RALY: variants seen among roughly 807,000 people sequenced by gnomAD.
RALY encodes the protein RNA-binding protein Raly.
RALY carries 15 observed loss-of-function variants against 30.7 expected under a neutral mutation model. That is an observed-to-expected ratio of 0.49 (90% confidence interval 0.33 to 0.75). The LOEUF (loss-of-function observed/expected upper bound fraction) is 0.75. Ranked by LOEUF, RALY falls within the 30% of genes least tolerant of loss-of-function variation. RALY has a pLI of 0.02. For synonymous variants in RALY, 177 were observed against 170.8 expected (o/e 1.04, Z -0.28); for missense variants, 339 against 414.3 (o/e 0.82, Z 1.58).
At chr20:34,021,834 C>G (rs1277595232) in intron 1 of RALY, among the ~76,000 whole-genome samples, 13 of 151,666 alleles carry the variant, frequency 8.6e-5, no homozygotes, top group Admixed American at 8.5e-4. Context: ...AGACGGAACT[C>G]TTTTTAAAAA....
intron 5 of RALY, among the ~76,000 whole-genome samples, chr20:34,075,092 T>G (rs2033836408): frequency 6.6e-6 from 1 of 152,098 alleles, no homozygotes; most frequent in African/African-American, 2.4e-5. Flanking sequence ...GGCTTGGAGA[T>G]GACTTTGGTT....
In RALY at chr20:34,072,278, C is replaced by T. The variant is rs1172904188; in HGVS notation, c.204C>T (p.Ala68=). 6.2e-7 allele frequency: 1 copy of T among 1,614,054 alleles called. No homozygotes were observed. The highest frequency in any genetic ancestry group is 1.7e-5 in the Admixed American group (1 of 60,024). The stretch of plus-strand genomic sequence containing the variant: ...TTCAGTACTCCAATGAGCGCCATGC[C>T]CGGGCAGCTGTGCTGGGAGAGAATG... ...AFVQYSNERH[A]RAAVLGENGR... Residue 68 remains alanine (A), a synonymous_variant, in exon 3 of 10, where the codon GCC becomes GCT. Transcript: ENST00000246194.
intron 1 of RALY, among the ~76,000 whole-genome samples, chr20:34,000,143 C>T (rs964938732): frequency 1.3e-5 from 2 of 152,132 alleles, no homozygotes; most frequent in Non-Finnish European, 2.9e-5. Flanking sequence ...GCTTGTCCTA[C>T]AACTTCCCCC....
intron 2 of RALY, among the ~76,000 whole-genome samples, chr20:34,066,551 G>A (rs1468497391): frequency 6.6e-6 from 1 of 152,034 alleles, no homozygotes; most frequent in Non-Finnish European, 1.5e-5. Flanking sequence ...TAGCTCTCTG[G>A]GCCTCTTATT....
intron 1 of RALY, among the ~76,000 whole-genome samples, chr20:33,996,204 G>C (rs770834801): frequency 1.3e-5 from 2 of 152,180 alleles, no homozygotes; most frequent in African/African-American, 2.4e-5. Context: ...TTAGATGACA[G>C]AATGAGTAAG....
At chr20:34,025,553 C>T (rs953549325) in intron 1 of RALY, among the ~76,000 whole-genome samples, 2 of 152,148 alleles carry the variant, frequency 1.3e-5, no homozygotes, top group African/African-American at 4.8e-5. Context: ...ATCCGCCCAC[C>T]TCAGCTTCCC....
intron 1 of RALY, among the ~76,000 whole-genome samples, chr20:34,030,806 AC>A (rs1470430881): frequency 1.3e-5 from 2 of 152,118 alleles, no homozygotes; most frequent in East Asian, 3.8e-4. Context: ...CCTTAAACAT[AC>A]CAAGGCCTCA....
chr20:34,007,508 G>A (rs1348659244), intron 1 of RALY, among the ~76,000 whole-genome samples: 3 of 149,518 alleles, frequency 2.0e-5, no homozygotes, highest in East Asian at 2.0e-4. Context: ...GTGACGGAGC[G>A]AGACTCCATC....
chr20:34,014,190 A>G (rs544391119), intron 1 of RALY, among the ~76,000 whole-genome samples: 1 of 152,288 alleles, frequency 6.6e-6, no homozygotes, highest in Non-Finnish European at 1.5e-5. Flanking sequence ...TCACTTTGGA[A>G]TAAGTTCTTA....
intron 2 of RALY, among the ~76,000 whole-genome samples, chr20:34,059,364 TC>T (rs2033350654): frequency 6.6e-6 from 1 of 152,314 alleles, no homozygotes; most frequent in Non-Finnish European, 1.5e-5. Flanking sequence ...AGCCCTTGCT[TC>T]CAGCCTGCTG....
At chr20:34,027,033 A>G (rs560497233) in intron 1 of RALY, among the ~76,000 whole-genome samples, 31 of 152,254 alleles carry the variant, frequency 2.0e-4, no homozygotes, top group African/African-American at 7.2e-4. Flanking sequence ...CCCATATGAC[A>G]GTTCATAAGA....
At chr20:34,011,623 T>G (rs2031401698) in intron 1 of RALY, among the ~76,000 whole-genome samples, 1 of 152,212 alleles carries the variant, frequency 6.6e-6, no homozygotes, top group Non-Finnish European at 1.5e-5. Context: ...GAGACTTGAT[T>G]AGAACAAATT....
intron 1 of RALY, among the ~76,000 whole-genome samples, chr20:34,016,835 C>T (rs576896209): frequency 2.0e-5 from 3 of 152,384 alleles, no homozygotes; most frequent in Non-Finnish European, 4.4e-5. Flanking sequence ...CAGAGGCCAG[C>T]GAGGCAGCCC....
intron 2 of RALY, among the ~76,000 whole-genome samples, chr20:34,063,783 C>T (rs2033487013): frequency 6.6e-6 from 1 of 152,134 alleles, no homozygotes; most frequent in Non-Finnish European, 1.5e-5. Flanking sequence ...CTCCCTCCTG[C>T]CAGGCCTCTT....
At chr20:34,024,204 C>T (rs538412737) in intron 1 of RALY, among the ~76,000 whole-genome samples, 109 of 152,302 alleles carry the variant, frequency 7.2e-4, no homozygotes, top group African/African-American at 2.4e-3. Context: ...CCATTTTCTA[C>T]ACAGTCTCAG....
chr20:34,072,824 A>G (rs776766888), intron 3 of RALY, among the ~76,000 whole-genome samples: 8 of 152,128 alleles, frequency 5.3e-5, no homozygotes, highest in Non-Finnish European at 1.2e-4. Flanking sequence ...GTATATGTGT[A>G]TGTTTGAAAA....
At position 34,072,146 on chromosome 20, in the gene RALY, CATTGGAA is replaced by C. The variant is rs2033744800; in HGVS notation, c.74_80del (p.Ile25ThrfsTer7). On this transcript the variant is annotated frameshift_variant, in exon 3 of 10. Coordinates refer to ENST00000246194, the MANE Select transcript of RALY (RefSeq NM_016732.3). LOFTEE classifies it high-confidence loss of function. Reference sequence around the variant, plus strand: ...CCAAGTCCATCAACTCTCGAGTCTTCATTGGAAACCTCAACACAGCTCTGGTGAAGAA... The same window carrying C: ...CCAAGTCCATCAACTCTCGAGTCTTCACCTCAACACAGCTCTGGTGAAGAA... 6.2e-7 allele frequency: 1 copy of C among 1,614,124 alleles called. No individual in the cohort carries two copies. The highest frequency in any genetic ancestry group is 1.3e-5 in the African/African-American group (1 of 74,938).
At chr20:34,028,705 CAAAAAAAAAAAAAAA>C (rs71338492) in intron 1 of RALY, among the ~76,000 whole-genome samples, 6 of 20,436 alleles carry the variant, frequency 2.9e-4, no homozygotes, top group South Asian at 2.9e-3. Context: ...GACTCCATCT[CAAAAAAAAAAAAAAA>C]AAAAAAAAAA....
intron 1 of RALY, among the ~76,000 whole-genome samples, chr20:33,997,352 G>A (rs1158889436): frequency 6.6e-6 from 1 of 152,110 alleles, no homozygotes; most frequent in Non-Finnish European, 1.5e-5. Flanking sequence ...TGAACCTCAG[G>A]TGATCCTCCT....
Sources: allele counts gnomAD v4.1 joint callset (sites outside exome capture counted in the v4.1 genomes callset), GRCh38; gene constraint gnomAD v4.1.1; transcripts MANE v1.5; gene names NCBI Gene and HGNC (gene_info 2026-07-23, HGNC 2026-07-21).